POFUT2: variants seen among roughly 807,000 people sequenced by gnomAD.
The protein encoded by POFUT2 is protein O-fucosyltransferase 2.
Under a neutral mutation model 55.0 loss-of-function variants are expected in POFUT2, and 30 were observed. The ratio of observed to expected loss-of-function variants is 0.55; its 90% CI spans 0.41 to 0.74. POFUT2 has a LOEUF of 0.74. POFUT2 is among the 30% of genes least tolerant of loss of function. The probability of loss-of-function intolerance (pLI) is 0.00; values close to 1 mark genes in which losing one functional copy is unlikely to be tolerated. For synonymous variants in POFUT2, 267 were observed against 231.1 expected (o/e 1.16, Z -1.41); for missense variants, 524 against 562.6 (o/e 0.93, Z 0.69).
intron 6 of POFUT2, among the ~76,000 whole-genome samples, chr21:45,276,214 TAAATA>T (rs1274817763): frequency 2.8e-5 from 4 of 143,398 alleles, no homozygotes; most frequent in Non-Finnish European, 3.1e-5. Flanking sequence ...ACAAATTAAT[TAAATA>T]AAATTAAAAA....
Position 45,267,726 on chromosome 21 carries a change from A to G in POFUT2, c.1013-13T>C, listed in dbSNP as rs1342814215. 3.7e-6 allele frequency: 6 copies of G among 1,611,942 alleles called. 1 individual carries two copies. The highest frequency in any genetic ancestry group is 2.2e-5 in the South Asian group (2 of 91,060). On this transcript the variant is annotated splice_polypyrimidine_tract_variant and intron_variant, in intron 7 of 8. Coordinates refer to ENST00000349485, the MANE Select transcript of POFUT2 (RefSeq NM_133635.6). The surrounding 1 kb of genome is among the most constrained non-coding windows in gnomAD (Gnocchi z 4.4). Reference sequence around the variant, plus strand: ...AGCTCTTCATATTCTGCAAAGTAGAAGGAGAGACCCTTTGAACCGGGATCC... The same window carrying G: ...AGCTCTTCATATTCTGCAAAGTAGAGGGAGAGACCCTTTGAACCGGGATCC...
In POFUT2 at chr21:45,267,517, C is replaced by A. The variant is rs370435698; in HGVS notation, c.1136+73G>T. ...CACAGGCGACCATCTGCTCTGACAC[C>A]GAGTACTTGGGACAGAAGAACCTTT... On this transcript the variant is annotated intron_variant, in intron 8 of 8. Coordinates refer to ENST00000349485, the MANE Select transcript of POFUT2 (RefSeq NM_133635.6). This position sits in a 1 kb window ranked among gnomAD's most constrained non-coding sequence, Gnocchi z 4.4. 1 of 1,614,148 alleles carries A rather than the reference C, an allele frequency of 6.2e-7. No homozygotes were observed. Among genetic ancestry groups the A allele is most frequent in the South Asian group, 1.1e-5 (1 of 91,088 alleles).
chr21:45,283,365 A>C lies in POFUT2; in HGVS notation c.527+18T>G, dbSNP rs192639676. The C allele has an allele frequency of 2.7e-5, 39 of 1,434,374 alleles. No homozygotes were observed. The highest frequency in any genetic ancestry group is 3.2e-5 in the Non-Finnish European group (35 of 1,077,190). 88.9% of individuals were successfully genotyped at this position (1,434,374 alleles called of 1,614,324 possible). A position where few individuals can be genotyped will look rare whatever the true frequency, so the allele number is the denominator to read the frequency against. On this transcript the variant is annotated intron_variant, in intron 3 of 8. Transcript: ENST00000349485. Reference sequence around the variant, plus strand: ...GTGGGGGGGCACCTGCGGCAGGGGGAGCAGCCTCAGCAGGCACCTGTAGTA... The same window carrying C: ...GTGGGGGGGCACCTGCGGCAGGGGGCGCAGCCTCAGCAGGCACCTGTAGTA...
At chr21:45,266,932 G>A in intron 8 of POFUT2, 1 of 1,016,408 alleles carries the variant, frequency 9.8e-7, no homozygotes, top group South Asian at 4.0e-5. Context: ...GGGCAGGCAG[G>A]TCTTTGGAGG....
At position 45,267,749 on chromosome 21, in the gene POFUT2, T is replaced by A. The variant is rs1266455825; in HGVS notation, c.1013-36A>T. The A allele has an allele frequency of 1.3e-6, 2 of 1,590,802 alleles. No homozygotes were observed. Among genetic ancestry groups the A allele is most frequent in the South Asian group, 1.1e-5 (1 of 90,322 alleles). On this transcript the variant is annotated intron_variant, in intron 7 of 8. Coordinates refer to ENST00000349485, the MANE Select transcript of POFUT2 (RefSeq NM_133635.6). This position sits in a 1 kb window ranked among gnomAD's most constrained non-coding sequence, Gnocchi z 4.4. The stretch of plus-strand genomic sequence containing the variant: ...GAAGGAGAGACCCTTTGAACCGGGA[T>A]CCTCCAGTAAGGACAGATACGTGAC...
At position 45,270,081 on chromosome 21, in the gene POFUT2, A is replaced by G; in HGVS notation, c.832-62T>C. On this transcript the variant is annotated intron_variant, in intron 6 of 8. Coordinates refer to ENST00000349485, the MANE Select transcript of POFUT2 (RefSeq NM_133635.6). This position sits in a 1 kb window ranked among gnomAD's most constrained non-coding sequence, Gnocchi z 4.6. ...GGCGGGCTCGGGGCTCATCCTGGGC[A>G]CCGGGTGGGACTCGAGACGCAGAGG... 2 of 1,369,034 alleles carry G rather than the reference A, an allele frequency of 1.5e-6. No individual in the cohort carries two copies. The highest frequency in any genetic ancestry group is 1.9e-6 in the Non-Finnish European group (2 of 1,029,804). The allele number at this position is 1,369,034 out of a possible 1,614,324, so 84.8% of individuals were successfully genotyped here.
intron 7 of POFUT2, among the ~76,000 whole-genome samples, chr21:45,268,131 T>C (rs1241453917): frequency 1.3e-5 from 2 of 151,458 alleles, no homozygotes; most frequent in African/African-American, 2.4e-5. Flanking sequence ...GTGCCTGCGA[T>C]TGCAGGCACG....
At position 45,269,996 on chromosome 21, in the gene POFUT2, C is replaced by T. The variant is rs761172715; in HGVS notation, c.855G>A (p.Gly285=). 4 of 1,561,724 alleles carry T rather than the reference C, an allele frequency of 2.6e-6. No homozygotes were observed. The South Asian group carries it at 4.9e-5, about 19-fold the overall frequency. Reference sequence around the variant, plus strand: ...TCAGGTGGACTCCCAGGTAGGGGCCCCCTAGCGCGGAGCCCAGCTTGACCT... The same window carrying T: ...TCAGGTGGACTCCCAGGTAGGGGCCTCCTAGCGCGGAGCCCAGCTTGACCT... ...KMKVKLGSAL[G]GPYLGVHLRR... is the part of the protein sequence containing the mutation. Residue 285 remains glycine, a synonymous_variant, in exon 7 of 9, where the codon GGG becomes GGA. Coordinates refer to ENST00000349485, the MANE Select transcript of POFUT2 (RefSeq NM_133635.6).
chr21:45,268,563 C>T (rs1273302891), intron 7 of POFUT2, among the ~76,000 whole-genome samples: 5 of 151,878 alleles, frequency 3.3e-5, no homozygotes, highest in African/African-American at 1.2e-4. Context: ...GCCGCCATCA[C>T]ATCTAGGAAG....
At chr21:45,272,333 G>C (rs2093226018) in intron 6 of POFUT2, among the ~76,000 whole-genome samples, 1 of 152,154 alleles carries the variant, frequency 6.6e-6, no homozygotes, top group African/African-American at 2.4e-5. Flanking sequence ...AATGATAAAA[G>C]GATCAGTCCA....
rs1360575001 is a variant in POFUT2 at position 45,267,071 on chromosome 21, G to A, written c.1136+519C>T. The A allele has an allele frequency of 9.0e-7, 1 of 1,113,466 alleles. No individual in the cohort carries two copies. The highest frequency in any genetic ancestry group is 1.1e-6 in the Non-Finnish European group (1 of 906,644). The allele number at this position is 1,113,466 out of a possible 1,614,324, so 69.0% of individuals were successfully genotyped here. ...GATCACACGAGGGCCCACGCTCCCG[G>A]CCTCGGGGACGCTCACGGCAGCCCC... On this transcript the variant is annotated intron_variant, in intron 8 of 8. Coordinates refer to ENST00000349485, the MANE Select transcript of POFUT2 (RefSeq NM_133635.6). This position sits in a 1 kb window ranked among gnomAD's most constrained non-coding sequence, Gnocchi z 4.4.
In POFUT2 at chr21:45,282,182, C is replaced by T. The variant is rs924990277; in HGVS notation, c.638+167G>A. Among the ~76,000 whole-genome samples the T allele has an allele frequency of 5.3e-5, 8 of 152,288 alleles. 1 individual carries two copies. The highest frequency in any genetic ancestry group is 6.8e-3 in the Middle Eastern group (2 of 294). On this transcript the variant is annotated intron_variant, in intron 4 of 8. Transcript: ENST00000349485. This position sits in a 1 kb window ranked among gnomAD's most constrained non-coding sequence, Gnocchi z 4.6. The stretch of plus-strand genomic sequence containing the variant: ...CCCACTGGGCTGTTTCGCAGAGACA[C>T]ATGCAAGCACTTCCCTAACCACCAC...
chr21:45,265,592 G>A lies in POFUT2; in HGVS notation c.1180C>T (p.His394Tyr). 7 of 1,613,886 alleles carry A rather than the reference G, an allele frequency of 4.3e-6. No homozygotes were observed. Among genetic ancestry groups the A allele is most frequent in the Non-Finnish European group, 5.9e-6 (7 of 1,179,938 alleles). Residue 394 changes from histidine to tyrosine, a missense_variant, in exon 9 of 9, where the codon CAT becomes TAT. His to Tyr is a moderately conservative substitution (Grantham distance 83, BLOSUM62 2). This residue lies in a region of POFUT2 where 250 missense variants were observed against 318.2 expected (regional missense o/e 0.79). Coordinates refer to ENST00000349485, the MANE Select transcript of POFUT2 (RefSeq NM_133635.6). The surrounding 1 kb of genome is among the most constrained non-coding windows in gnomAD (Gnocchi z 4.6). ...TSVSTFSFRIHEEREILGLDP... is the reference protein window; with the variant it reads ...TSVSTFSFRIYEEREILGLDP... ...AACCCCAGGATTTCTCTTTCCTCAT[G>A]AATCCGAAAAGAAAATGTTGAGACT... is the stretch of plus-strand genomic sequence containing the variant.
chr21:45,282,457 C>T lies in POFUT2; in HGVS notation c.530G>A (p.Gly177Glu). Residue 177 changes from glycine (G) to glutamate (E), a missense_variant and splice_region_variant, in exon 4 of 9, where the codon GGA becomes GAA. Coordinates refer to ENST00000349485, the MANE Select transcript of POFUT2 (RefSeq NM_133635.6). The surrounding 1 kb of genome is among the most constrained non-coding windows in gnomAD (Gnocchi z 4.6). ...GGTCTCCTCATAACCCCAAAACCAT[C>T]CTCTGGAAAACAAAACCCACAGCAG... The part of the protein sequence containing the change: ...YSQDKHEYYR[G>E]WFWGYEETRG... The T allele has an allele frequency of 6.3e-7, 1 of 1,594,500 alleles. No homozygotes were observed. The highest frequency in any genetic ancestry group is 1.1e-5 in the South Asian group (1 of 90,716).
rs1307196613 is a variant in POFUT2, at chr21:45,285,518, G to A, written c.382+160C>T. On this transcript the variant is annotated intron_variant, in intron 2 of 8. Coordinates refer to ENST00000349485, the MANE Select transcript of POFUT2 (RefSeq NM_133635.6). The surrounding 1 kb of genome is among the most constrained non-coding windows in gnomAD (Gnocchi z 4.9). Reference sequence around the variant, plus strand: ...TGGGAAAGGGACTGTGCTCCTGAACGGAGGAGGTGCTGCCACAGGCCTCAG... The same window carrying A: ...TGGGAAAGGGACTGTGCTCCTGAACAGAGGAGGTGCTGCCACAGGCCTCAG... The A allele has an allele frequency of 8.7e-6, 7 of 804,910 alleles. No individual in the cohort carries two copies. Among genetic ancestry groups the A allele is most frequent in the East Asian group, 5.3e-5 (2 of 37,576 alleles). The allele number at this position is 804,910 out of a possible 1,614,324, so 49.9% of individuals were successfully genotyped here. A position where few individuals can be genotyped will look rare whatever the true frequency, so the allele number is the denominator to read the frequency against.
chr21:45,287,584 A>T (rs1602248843), intron 1 of POFUT2, among the ~76,000 whole-genome samples, 157 bp downstream of exon 1: 1 of 13,796 alleles, frequency 7.2e-5, no homozygotes, highest in Middle Eastern at 0.036. Flanking sequence ...ACTCCGCTCC[A>T]TTCCATCTCC....
In POFUT2 at chr21:45,282,523, A is replaced by C; in HGVS notation, c.528-64T>G. 8.5e-6 allele frequency: 8 copies of C among 945,028 alleles called. No individual in the cohort carries two copies. The South Asian group carries it at 1.1e-4, about 13-fold the overall frequency. The allele number at this position is 945,028 out of a possible 1,614,324, so 58.5% of individuals were successfully genotyped here. A position where few individuals can be genotyped will look rare whatever the true frequency, so the allele number is the denominator to read the frequency against. On this transcript the variant is annotated intron_variant, in intron 3 of 8. Transcript: ENST00000349485. The surrounding 1 kb of genome is among the most constrained non-coding windows in gnomAD (Gnocchi z 4.6). Reference sequence around the variant, plus strand: ...TTGCTTTCACAAGGAAAACAAATCAAGTCTAGACACGCACACACTGTGGCT... The same window carrying C: ...TTGCTTTCACAAGGAAAACAAATCACGTCTAGACACGCACACACTGTGGCT...
At chr21:45,268,264 C>T (rs902542687) in intron 7 of POFUT2, among the ~76,000 whole-genome samples, 29 of 152,390 alleles carry the variant, frequency 1.9e-4, no homozygotes, top group African/African-American at 2.9e-4. Flanking sequence ...GGATTGCAGA[C>T]GGAGTCTCGT....
At chr21:45,273,064 GAACA>G (rs1045773533) in intron 6 of POFUT2, among the ~76,000 whole-genome samples, 7 of 151,712 alleles carry the variant, frequency 4.6e-5, no homozygotes, top group African/African-American at 1.5e-4. Context: ...AAATTGAAAT[GAACA>G]GACAAAAAAA....
Sources: gnomAD v4.1 joint callset for allele counts (sites outside exome capture counted in the v4.1 genomes callset) on GRCh38, gnomAD v4.1.1 for gene constraint, gnomAD v4.1.1 regional missense constraint, Gnocchi (gnomAD v3.1) non-coding constraint, MANE v1.5 for transcripts, NCBI Gene and HGNC (gene_info 2026-07-23, HGNC 2026-07-21) for gene names.